ATRNL1: variants seen among roughly 807,000 people sequenced by gnomAD.
The protein encoded by ATRNL1 is attractin-like protein 1.
A neutral mutation model predicts 182.7 loss-of-function variants in ATRNL1; 95 were observed. The ratio of observed to expected loss-of-function variants is 0.52; its 90% CI spans 0.44 to 0.62. The LOEUF is 0.62. ATRNL1 is among the 20% of genes least tolerant of loss of function. The pLI is 0.00. For missense variants in ATRNL1, 1,471 were observed against 1,679.5 expected, an observed-to-expected ratio of 0.88 and a Z score of 2.17; for synonymous variants, 576 against 568.3, an observed-to-expected ratio of 1.01 and a Z score of -0.19.
At chr10:115,364,818 A>T (rs1160004727) in intron 19 of ATRNL1, among the ~76,000 whole-genome samples, 1 of 151,152 alleles carries the variant, frequency 6.6e-6, no homozygotes, top group Admixed American at 6.6e-5. Context: ...ATGCTGGATT[A>T]CATTTATTGA....
At chr10:115,922,883 A>T (rs1953108829) in intron 28 of ATRNL1, among the ~76,000 whole-genome samples, 1 of 152,212 alleles carries the variant, frequency 6.6e-6, no homozygotes, top group Admixed American at 6.5e-5. Flanking sequence ...GTGGGATCAA[A>T]AGAATTTAGA....
At chr10:115,698,559 C>G (rs993471820) in intron 26 of ATRNL1, among the ~76,000 whole-genome samples, 2 of 152,104 alleles carry the variant, frequency 1.3e-5, no homozygotes, top group African/African-American at 4.8e-5. Flanking sequence ...GCAGGCAGAT[C>G]ACGAGGTCAA....
intron 19 of ATRNL1, among the ~76,000 whole-genome samples, chr10:115,348,121 G>A (rs910488808): frequency 5.9e-5 from 9 of 152,160 alleles, no homozygotes; most frequent in Non-Finnish European, 1.2e-4. Context: ...CGACAGGCAC[G>A]CGCCACTGCA....
intron 27 of ATRNL1, among the ~76,000 whole-genome samples, chr10:115,772,282 A>G (rs1233238860): frequency 2.0e-5 from 3 of 152,232 alleles, no homozygotes; most frequent in Admixed American, 2.0e-4. Flanking sequence ...AATAGGAGTC[A>G]GAGAAAATAT....
intron 21 of ATRNL1, among the ~76,000 whole-genome samples, chr10:115,451,545 C>G (rs1554967622): frequency 6.6e-6 from 1 of 152,028 alleles, no homozygotes; most frequent in Admixed American, 6.6e-5. Context: ...AAATGCAAAT[C>G]AAAACCACAT....
intron 5 of ATRNL1, among the ~76,000 whole-genome samples, chr10:115,132,510 T>A (rs113293766): frequency 2.6e-5 from 4 of 152,182 alleles, no homozygotes; most frequent in African/African-American, 7.2e-5. Context: ...TGCCACACTG[T>A]CTTCCACAAT....
At chr10:115,102,562 G>A (rs1843819615) in intron 1 of ATRNL1, among the ~76,000 whole-genome samples, 1 of 152,094 alleles carries the variant, frequency 6.6e-6, no homozygotes, top group Non-Finnish European at 1.5e-5. Context: ...TCCTGCCTCA[G>A]CCTCTTGAGC....
In ATRNL1 at chr10:115,199,004, A is replaced by G. The variant is rs1554891694; in HGVS notation, c.1349-16693A>G. Among the ~76,000 whole-genome samples the G allele has an allele frequency of 3.3e-5, 5 of 152,014 alleles. 1 individual carries two copies. The South Asian group carries it at 6.2e-4, about 19-fold the overall frequency. On this transcript the variant is annotated intron_variant, in intron 8 of 28. Coordinates refer to ENST00000355044, the MANE Select transcript of ATRNL1 (RefSeq NM_207303.4). ...TCTTTGGGGCTTTTTGTGGTTTCAT[A>G]CTGATTTTAGGATTTTTAAAAAATT...
chr10:115,392,646 A>G (rs1564993503), intron 19 of ATRNL1, among the ~76,000 whole-genome samples: 1 of 152,122 alleles, frequency 6.6e-6, no homozygotes, highest in Admixed American at 6.6e-5. Context: ...TATTTAGTTA[A>G]GGTCCTCTGT....
At chr10:115,239,836 A>C (rs910965928) in intron 9 of ATRNL1, among the ~76,000 whole-genome samples, 13 of 152,180 alleles carry the variant, frequency 8.5e-5, no homozygotes, top group African/African-American at 3.1e-4. Context: ...AAGAGCACCC[A>C]GACCTCTCAT....
At chr10:115,154,237 A>G (rs990465727) in intron 5 of ATRNL1, among the ~76,000 whole-genome samples, 4 of 151,530 alleles carry the variant, frequency 2.6e-5, no homozygotes, top group African/African-American at 9.7e-5. Flanking sequence ...CGCTTGGTGC[A>G]GAGCTGAGTT....
At chr10:115,276,335 C>T (rs1240260239) in intron 13 of ATRNL1, among the ~76,000 whole-genome samples, 1 of 152,110 alleles carries the variant, frequency 6.6e-6, no homozygotes, top group Non-Finnish European at 1.5e-5. Context: ...CCATGACAGA[C>T]ATTTACATAT....
intron 26 of ATRNL1, among the ~76,000 whole-genome samples, chr10:115,685,802 G>A (rs985140554): frequency 6.6e-6 from 1 of 151,524 alleles, no homozygotes; most frequent in Admixed American, 6.6e-5. Context: ...TTAAGTCCAA[G>A]AATACAATTG....
chr10:115,328,301 T>C (rs1855024589), intron 18 of ATRNL1, among the ~76,000 whole-genome samples: 1 of 152,144 alleles, frequency 6.6e-6, no homozygotes, highest in African/African-American at 2.4e-5. Context: ...CTATGTTAAA[T>C]TGAAACAAAA....
intron 26 of ATRNL1, among the ~76,000 whole-genome samples, chr10:115,658,930 T>C (rs1298401262): frequency 6.6e-6 from 1 of 152,152 alleles, no homozygotes; most frequent in South Asian, 2.1e-4. Context: ...CTTCTTCATA[T>C]GGTGGCAGCA....
intron 19 of ATRNL1, among the ~76,000 whole-genome samples, chr10:115,378,458 C>T (rs1320409043): frequency 6.6e-6 from 1 of 152,148 alleles, no homozygotes; most frequent in Admixed American, 6.5e-5. Flanking sequence ...GGTGCCCTGA[C>T]TAGGCAGAAC....
At chr10:115,221,039 A>G (rs536382953) in intron 9 of ATRNL1, among the ~76,000 whole-genome samples, 1 of 152,336 alleles carries the variant, frequency 6.6e-6, no homozygotes, top group South Asian at 2.1e-4. Context: ...ATCATCAAGC[A>G]TTAGATTCTC....
rs1158796554 is a variant in ATRNL1, at chr10:115,487,230, T to C, written c.3654+17901T>C. ...TATCTGGGATATGCAGGCTCTTTTT[T>C]AGTCCCATATGAAATTTAAAGTAGT... On this transcript the variant is annotated intron_variant, in intron 24 of 28. Coordinates refer to ENST00000355044, the MANE Select transcript of ATRNL1 (RefSeq NM_207303.4). 5.9e-5 allele frequency among the ~76,000 whole-genome samples: 9 copies of C among 152,326 alleles called. No individual in the cohort carries two copies. The South Asian group carries it at 1.7e-3, about 28-fold the overall frequency.
chr10:115,452,634 G>T (rs1554967884), intron 21 of ATRNL1, among the ~76,000 whole-genome samples: 2 of 152,014 alleles, frequency 1.3e-5, no homozygotes, highest in Admixed American at 6.6e-5. Flanking sequence ...GAAACCATCA[G>T]CACAATCAAG....
Sources: gnomAD v4.1 joint callset for allele counts (sites outside exome capture counted in the v4.1 genomes callset) on GRCh38, gnomAD v4.1.1 for gene constraint, MANE v1.5 for transcripts, NCBI Gene and HGNC (gene_info 2026-07-23, HGNC 2026-07-21) for gene names.